Variants in EXPH5 observed in about 807,000 individuals in gnomAD.
EXPH5 encodes the protein exophilin 5.
A neutral mutation model predicts 41.1 loss-of-function variants in EXPH5; 42 were observed. That is an observed-to-expected ratio of 1.02 (90% confidence interval 0.80 to 1.32). The LOEUF is 1.32. EXPH5 is among the 40% of genes most tolerant of loss of function. The pLI is 0.00. For missense variants in EXPH5, 2,298 were observed against 2,314.5 expected (o/e 0.99, Z 0.15); for synonymous variants, 798 against 833.5 (o/e 0.96, Z 0.73).
Position 108,513,579 on chromosome 11 carries a change from C to G in EXPH5, c.1928G>C (p.Ser643Thr). 1.9e-6 allele frequency: 3 copies of G among 1,614,040 alleles called. No individual in the cohort carries two copies. Among genetic ancestry groups the G allele is most frequent in the Non-Finnish European group, 2.5e-6 (3 of 1,180,014 alleles). Residue 643 changes from serine (S) to threonine (T), a missense_variant, in exon 6 of 6, where the codon AGT (serine) becomes ACT (threonine). Coordinates refer to ENST00000265843, the MANE Select transcript of EXPH5 (RefSeq NM_015065.3). Reference protein sequence around the residue: ...QISDDRRNPQSPNLQNPTVTL... With the variant: ...QISDDRRNPQTPNLQNPTVTL... ...GACTGTGGGATTCTGCAAGTTGGGA[C>G]TCTGAGGATTCCTTCTGTCATCAGA... is the stretch of plus-strand genomic sequence containing the variant.
At chr11:108,592,333 C>G (rs1364027277) in intron 1 of EXPH5, among the ~76,000 whole-genome samples, 3 of 152,150 alleles carry the variant, frequency 2.0e-5, no homozygotes, top group African/African-American at 7.2e-5. Flanking sequence ...CAAAGACCAA[C>G]TAGATTTTCC....
chr11:108,575,875 G>A (rs992578026), intron 1 of EXPH5, among the ~76,000 whole-genome samples: 2 of 152,122 alleles, frequency 1.3e-5, no homozygotes, highest in African/African-American at 4.8e-5. Context: ...TCGGGTGGTT[G>A]AGACAGGAAT....
intron 1 of EXPH5, among the ~76,000 whole-genome samples, chr11:108,575,216 C>T (rs974174951): frequency 2.0e-5 from 3 of 152,016 alleles, no homozygotes; most frequent in African/African-American, 7.2e-5. Context: ...TTTTTTCCCA[C>T]AAAATTGGCA....
chr11:108,514,968 T>C (rs1420174820), intron 5 of EXPH5, 93 bp from the exon 6 acceptor site: 1 of 675,646 alleles, frequency 1.5e-6, no homozygotes, highest in Admixed American at 3.2e-5. Context: ...AGAAACATAA[T>C]CATTTATAAT....
intron 2 of EXPH5, among the ~76,000 whole-genome samples, chr11:108,541,378 T>C (rs2136031589): frequency 6.6e-6 from 1 of 152,270 alleles, no homozygotes; most frequent in Non-Finnish European, 1.5e-5. Context: ...TCCAGGCCTC[T>C]GTTGACATCA....
At chr11:108,588,642 C>A (rs189378140) in intron 1 of EXPH5, among the ~76,000 whole-genome samples, 7 of 152,212 alleles carry the variant, frequency 4.6e-5, no homozygotes, top group Non-Finnish European at 7.4e-5. Context: ...TAGCATGGGT[C>A]AATACTCAAC....
intron 1 of EXPH5, among the ~76,000 whole-genome samples, chr11:108,559,457 G>A (rs916153977): frequency 6.6e-6 from 1 of 152,186 alleles, no homozygotes; most frequent in African/African-American, 2.4e-5. Context: ...CAGCTGCAAA[G>A]CAGGTTAGAA....
chr11:108,601,840 T>C, the EXPH5 span, among the ~76,000 whole-genome samples: 1 of 152,196 alleles, frequency 6.6e-6, no homozygotes, highest in African/African-American at 2.4e-5. Flanking sequence ...CCTCCACTTC[T>C]TGGGCTCAAG....
chr11:108,565,306 A>G lies in EXPH5; in HGVS notation c.120-23494T>C, dbSNP rs570413278. Reference sequence around the variant, plus strand: ...CTATGAAATCCAAGGTAAAGAGCCAAGCAAATGGCAAAATTGGCAACTCTT... The same window carrying G: ...CTATGAAATCCAAGGTAAAGAGCCAGGCAAATGGCAAAATTGGCAACTCTT... On this transcript the variant is annotated intron_variant, in intron 1 of 5. Transcript: ENST00000265843. 5.9e-5 allele frequency among the ~76,000 whole-genome samples: 9 copies of G among 152,330 alleles called. No individual in the cohort carries two copies. The South Asian group carries it at 1.2e-3, about 21-fold the overall frequency.
At chr11:108,596,053 T>C (rs1185998945), upstream of EXPH5, among the ~76,000 whole-genome samples, 2 of 151,780 alleles carry the variant, frequency 1.3e-5, no homozygotes, top group Non-Finnish European at 2.9e-5. Flanking sequence ...TACAAAAAAT[T>C]AGCCCAGCAT....
intron 1 of EXPH5, among the ~76,000 whole-genome samples, chr11:108,590,342 G>A (rs902131090): frequency 6.6e-6 from 1 of 152,182 alleles, no homozygotes; most frequent in African/African-American, 2.4e-5. Flanking sequence ...ATCTTCTGGT[G>A]TGAATGATTT....
In EXPH5 at chr11:108,566,807, A is replaced by G. The variant is rs141736513; in HGVS notation, c.120-24995T>C. Among the ~76,000 whole-genome samples, 504 of 152,318 alleles carry G rather than the reference A, an allele frequency of 3.3e-3. 2 individuals carry two copies. Among genetic ancestry groups the G allele is most frequent in the Non-Finnish European group, 5.0e-3 (338 of 68,024 alleles). On this transcript the variant is annotated intron_variant, in intron 1 of 5. Coordinates refer to ENST00000265843, the MANE Select transcript of EXPH5 (RefSeq NM_015065.3). ...CATGCAAGTCTTCTGGAGGCTTCCT[A>G]TGCTCTCATGTAAAGAACAAGACTT...
chr11:108,599,965 T>G, the EXPH5 span, among the ~76,000 whole-genome samples: 1 of 152,238 alleles, frequency 6.6e-6, no homozygotes. Flanking sequence ...TTTGTTTGCT[T>G]CCATAATACT....
chr11:108,588,071 GA>G (rs2094118670), intron 1 of EXPH5, among the ~76,000 whole-genome samples: 1 of 152,120 alleles, frequency 6.6e-6, no homozygotes, highest in South Asian at 2.1e-4. Flanking sequence ...AATAACATAT[GA>G]TAACTAAAAA....
chr11:108,591,191 T>C (rs551584658), intron 1 of EXPH5, among the ~76,000 whole-genome samples: 3 of 152,346 alleles, frequency 2.0e-5, no homozygotes, highest in African/African-American at 7.2e-5. Flanking sequence ...TGTTCACATA[T>C]GCCAAGCCAG....
intron 1 of EXPH5, among the ~76,000 whole-genome samples, chr11:108,542,766 T>C (rs1437197935): frequency 6.6e-6 from 1 of 152,210 alleles, no homozygotes; most frequent in Non-Finnish European, 1.5e-5. Flanking sequence ...TCACCCAGGC[T>C]GGAGCGCAGT....
chr11:108,593,017 C>A (rs1436500228), intron 1 of EXPH5, among the ~76,000 whole-genome samples: 1 of 152,212 alleles, frequency 6.6e-6, no homozygotes, highest in Non-Finnish European at 1.5e-5. Context: ...TGCGCGCGGG[C>A]CGCGGAGTGA....
intron 1 of EXPH5, among the ~76,000 whole-genome samples, chr11:108,578,401 T>C (rs997676433): frequency 6.6e-6 from 1 of 152,206 alleles, no homozygotes; most frequent in African/African-American, 2.4e-5. Context: ...TGTGTCTGTT[T>C]TCATGCCAGT....
intron 1 of EXPH5, among the ~76,000 whole-genome samples, chr11:108,591,909 C>T (rs1013908703): frequency 1.3e-5 from 2 of 152,200 alleles, no homozygotes; most frequent in African/African-American, 4.8e-5. Context: ...TCAATTTCCC[C>T]AAATATACAA....
Sources: allele counts gnomAD v4.1 joint callset (sites outside exome capture counted in the v4.1 genomes callset), GRCh38; gene constraint gnomAD v4.1.1; transcripts MANE v1.5; gene names NCBI Gene and HGNC (gene_info 2026-07-23, HGNC 2026-07-21).